The following TSTD2 variants were observed in gnomAD, a reference collection of about 807,000 sequenced individuals.
TSTD2 encodes the protein thiosulfate sulfurtransferase/rhodanese-like domain-containing protein 2.
In TSTD2, 37 loss-of-function variants were observed where a neutral mutation model predicts 47.9. The ratio of observed to expected loss-of-function variants is 0.77; its 90% confidence interval spans 0.59 to 1.02. TSTD2 has a LOEUF of 1.02. TSTD2 is among the 50% of genes least tolerant of loss of function. The pLI, the probability that TSTD2 is intolerant of heterozygous loss-of-function variation, is 0.00. For synonymous variants in TSTD2, 201 were observed against 215.9 expected (o/e 0.93, Z 0.61); for missense variants, 586 against 616.0 (o/e 0.95, Z 0.52).
In TSTD2 at chr9:97,625,968, T is replaced by G. The variant is rs1439002231; in HGVS notation, c.195A>C (p.Glu65Asp). The change falls in exon 3 of 10, where the codon GAA (glutamate) becomes GAC (aspartate). Residue 65 changes from glutamate (E) to aspartate (D), a missense_variant. Coordinates refer to ENST00000341170, the MANE Select transcript of TSTD2 (RefSeq NM_139246.5). ...KAFALFVKTKEVPTKRSFECK... is the reference protein window; with the variant it reads ...KAFALFVKTKDVPTKRSFECK... ...ATTCAAAACTCCTTTTTGTTGGAAC[T>G]TCTTTGGTTTTGACAAAAAGGGCAA... 6.2e-7 allele frequency: 1 copy of G among 1,612,326 alleles called. No homozygotes were observed. The highest frequency in any genetic ancestry group is 8.5e-7 in the Non-Finnish European group (1 of 1,179,492).
intron 8 of TSTD2, 93 bp from the exon 9 acceptor site, chr9:97,604,958 G>C (rs143114341): frequency 6.5e-7 from 1 of 1,533,394 alleles, no homozygotes; most frequent in African/African-American, 1.4e-5. Context: ...GAGTGCTGAC[G>C]TAGAGGACTC....
chr9:97,625,851 A>C lies in TSTD2; in HGVS notation c.312T>G (p.Ile104Met), dbSNP rs1826711281. 6.2e-7 allele frequency: 1 copy of C among 1,614,052 alleles called. No homozygotes were observed. Among genetic ancestry groups the C allele is most frequent in the African/African-American group, 1.3e-5 (1 of 74,934 alleles). The change falls in exon 3 of 10, where the codon ATT becomes ATG. Residue 104 changes from isoleucine to methionine, a missense_variant. Ile to Met is a conservative substitution (Grantham distance 10). Coordinates refer to ENST00000341170, the MANE Select transcript of TSTD2 (RefSeq NM_139246.5). ...RHVATQHADE[I>M]YHQTASILKQ... ...TTAAAATAGAAGCTGTCTGGTGATA[A>C]ATTTCATCAGCATGTTGTGTTGCCA... is the stretch of plus-strand genomic sequence containing the variant.
intron 3 of TSTD2, among the ~76,000 whole-genome samples, chr9:97,622,569 C>T (rs924614264): frequency 6.6e-6 from 1 of 152,228 alleles, no homozygotes; most frequent in Non-Finnish European, 1.5e-5. Context: ...AATGGTAGAT[C>T]CACTGAGAGC....
At chr9:97,631,401 G>T (rs529181979) in intron 1 of TSTD2, among the ~76,000 whole-genome samples, 1 of 152,174 alleles carries the variant, frequency 6.6e-6, no homozygotes, top group East Asian at 1.9e-4. Flanking sequence ...GATTACAGGG[G>T]TGAGCCACCA....
chr9:97,627,299 ACTTTAC>A (rs1826738037), intron 2 of TSTD2, 93 bp downstream of exon 2: 1 of 1,478,324 alleles, frequency 6.8e-7, no homozygotes, highest in Non-Finnish European at 9.0e-7. Flanking sequence ...TCCTGACTAG[ACTTTAC>A]CTTGAGCTGG....
At position 97,602,756 on chromosome 9, in the gene TSTD2, A is replaced by G. The variant is rs1309622476; in HGVS notation, c.1264T>C (p.Cys422Arg). Residue 422 changes from cysteine to arginine, a missense_variant, in exon 10 of 10, where the codon TGT becomes CGT. Transcript: ENST00000341170. ...NSDVVSECSY[C>R]GARWDQYKLC... ...TTATACTGGTCCCAGCGGGCTCCAC[A>G]GTATGAACACTCTGGGGAGGAAGGA... The G allele has an allele frequency of 1.2e-6, 2 of 1,612,090 alleles. No individual in the cohort carries two copies. Among genetic ancestry groups the G allele is most frequent in the Admixed American group, 1.7e-5 (1 of 59,834 alleles).
intron 2 of TSTD2, among the ~76,000 whole-genome samples, chr9:97,626,738 G>A (rs1826728142): frequency 6.6e-6 from 1 of 152,044 alleles, no homozygotes; most frequent in African/African-American, 2.4e-5. Flanking sequence ...TAAAAATTGA[G>A]GGGTCAAAGA....
intron 1 of TSTD2, among the ~76,000 whole-genome samples, chr9:97,630,187 T>C (rs1455937918): frequency 6.6e-6 from 1 of 152,204 alleles, no homozygotes; most frequent in Non-Finnish European, 1.5e-5. Flanking sequence ...CTAGCCACAC[T>C]GGACCATGCC....
chr9:97,617,027 C>T (rs1226612403), intron 4 of TSTD2, among the ~76,000 whole-genome samples: 1 of 152,212 alleles, frequency 6.6e-6, no homozygotes, highest in African/African-American at 2.4e-5. Context: ...ACTGAGAATA[C>T]ATCAATTAAG....
intron 6 of TSTD2, among the ~76,000 whole-genome samples, chr9:97,608,925 C>G (rs924395441): frequency 6.6e-6 from 1 of 152,104 alleles, no homozygotes. Context: ...ACCATGGAGT[C>G]AACCAGACCT....
At chr9:97,607,071 C>T (rs1374703141) in intron 6 of TSTD2, among the ~76,000 whole-genome samples, 1 of 152,108 alleles carries the variant, frequency 6.6e-6, no homozygotes, top group African/African-American at 2.4e-5. Context: ...GAGGCTGATG[C>T]AGGAGGACCC....
At chr9:97,621,433 A>G (rs907451005) in intron 3 of TSTD2, among the ~76,000 whole-genome samples, 20 of 152,214 alleles carry the variant, frequency 1.3e-4, no homozygotes, top group African/African-American at 4.6e-4. Flanking sequence ...TTCAGGGCAC[A>G]AGGGAGGTAA....
At chr9:97,615,826 T>G (rs1343684792) in intron 4 of TSTD2, among the ~76,000 whole-genome samples, 1 of 152,182 alleles carries the variant, frequency 6.6e-6, no homozygotes, top group African/African-American at 2.4e-5. Context: ...GTGTGGAAGT[T>G]TTCTGAATAG....
rs1440930681 is a variant in TSTD2, at chr9:97,606,234, T to G, written c.863A>C (p.His288Pro). 3.1e-6 allele frequency: 5 copies of G among 1,609,728 alleles called. No homozygotes were observed. Among genetic ancestry groups the G allele is most frequent in the South Asian group, 1.1e-5 (1 of 90,670 alleles). ...AGATAAAAACTTTTCTACTTCTTTA[T>G]GAAATTCACCTGGGGATAAATGGAT... ...PGIHLSPGEF[H>P]KEVEKFLSQA... is the part of the protein sequence containing the mutation. The change falls in exon 7 of 10, where the codon CAT becomes CCT. Residue 288 changes from histidine to proline, a missense_variant. By Grantham distance (77) the His-to-Pro change is moderately conservative. Coordinates refer to ENST00000341170, the MANE Select transcript of TSTD2 (RefSeq NM_139246.5).
At chr9:97,626,852 G>A (rs192770080) in intron 2 of TSTD2, among the ~76,000 whole-genome samples, 98 of 152,126 alleles carry the variant, frequency 6.4e-4, no homozygotes, top group African/African-American at 2.3e-3. Flanking sequence ...GCCTCACTGA[G>A]TTCTATCAGT....
chr9:97,602,498 C>A lies in TSTD2; in HGVS notation c.1522G>T (p.Ala508Ser). 3 of 1,612,722 alleles carry A rather than the reference C, an allele frequency of 1.9e-6. No individual in the cohort carries two copies. The South Asian group carries it at 3.3e-5, about 18-fold the overall frequency. ...QPVSPEPGPDADEDGPVLM is the reference protein window; with the variant it reads ...QPVSPEPGPDSDEDGPVLM ...ATAAGCACTGGCCCATCCTCATCAG[C>A]ATCAGGCCCTGGCTCTGGGCTCACA... Residue 508 changes from alanine to serine, a missense_variant, in exon 10 of 10, where the codon GCT becomes TCT. Physicochemically the swap from Ala to Ser is moderately conservative, Grantham distance 99. Coordinates refer to ENST00000341170, the MANE Select transcript of TSTD2 (RefSeq NM_139246.5).
chr9:97,620,142 T>G (rs983909152), intron 3 of TSTD2, among the ~76,000 whole-genome samples: 2 of 152,162 alleles, frequency 1.3e-5, no homozygotes, highest in African/African-American at 4.8e-5. Context: ...AGGAACGCAG[T>G]GGGAGCTAAT....
rs559446526 is a variant in TSTD2, at chr9:97,620,137, C to T, written c.483-2260G>A. ...CAATTCCCACGTGTCATTGGAGGAA[C>T]GCAGTGGGAGCTAATTGAATCATGG... On this transcript the variant is annotated intron_variant, in intron 3 of 9. Transcript: ENST00000341170. Among the ~76,000 whole-genome samples, 9 of 152,268 alleles carry T rather than the reference C, an allele frequency of 5.9e-5. No homozygotes were observed. The South Asian group carries it at 8.3e-4, about 14-fold the overall frequency.
At position 97,611,616 on chromosome 9, in the gene TSTD2, G is replaced by A. The variant is rs1486438474; in HGVS notation, c.687C>T (p.Ser229=). 1 of 1,609,916 alleles carries A rather than the reference G, an allele frequency of 6.2e-7. No homozygotes were observed. Among genetic ancestry groups the A allele is most frequent in the Non-Finnish European group, 8.5e-7 (1 of 1,176,438 alleles). Residue 229 remains serine (S), a synonymous_variant, in exon 5 of 10, where the codon TCC becomes TCT. Transcript: ENST00000341170. ...ATRLYVEVML[S]FPLFKDDLCK... The stretch of plus-strand genomic sequence containing the variant: ...ACAGGTCATCCTTAAACAATGGGAA[G>A]GAAAGCATGACTTCCACATAAAGTC...
Sources: gnomAD v4.1 joint callset for allele counts (sites outside exome capture counted in the v4.1 genomes callset) on GRCh38, gnomAD v4.1.1 for gene constraint, MANE v1.5 for transcripts, NCBI Gene and HGNC (gene_info 2026-07-23, HGNC 2026-07-21) for gene names.